PARD3B: variants seen among roughly 807,000 people sequenced by gnomAD.
PARD3B encodes the protein par-3 family cell polarity regulator beta.
In PARD3B, 103 loss-of-function variants were observed where a neutral mutation model predicts 130.2. That is an observed-to-expected ratio of 0.79 (90% confidence interval 0.67 to 0.93). PARD3B has a LOEUF of 0.93. Among genes scored for constraint, PARD3B ranks in the 40% least tolerant of loss-of-function variants. The pLI, the probability that PARD3B is intolerant of heterozygous loss-of-function variation, is 0.00. For synonymous variants in PARD3B, 583 were observed against 553.2 expected, an observed-to-expected ratio of 1.05 and a Z score of -0.76; for missense variants, 1,609 against 1,499.2, an observed-to-expected ratio of 1.07 and a Z score of -1.21.
chr2:204,906,151 G>C lies in PARD3B; in HGVS notation c.223-59001G>C, dbSNP rs1465036834. Among the ~76,000 whole-genome samples, 2 of 152,042 alleles carry C rather than the reference G, an allele frequency of 1.3e-5. No homozygotes were observed. Among genetic ancestry groups the C allele is most frequent in the African/African-American group, 4.8e-5 (2 of 41,394 alleles). On this transcript the variant is annotated intron_variant, in intron 2 of 22. Coordinates refer to ENST00000406610, the MANE Select transcript of PARD3B (RefSeq NM_001302769.2). This position sits in a 1 kb window ranked among gnomAD's most constrained non-coding sequence, Gnocchi z 4.3. The stretch of plus-strand genomic sequence containing the variant: ...CAACTCTTATTTCTCATCTGGACTG[G>C]GTAGCTGGTTAAATAATTTTTCTGT...
At chr2:204,883,658 C>A (rs528825742) in intron 2 of PARD3B, among the ~76,000 whole-genome samples, 2 of 151,358 alleles carry the variant, frequency 1.3e-5, no homozygotes, top group South Asian at 4.2e-4. Context: ...ATTGGCCAGG[C>A]TGGTCTCGAA....
intron 21 of PARD3B, among the ~76,000 whole-genome samples, chr2:205,535,679 C>T (rs1254400153): frequency 6.6e-6 from 1 of 152,184 alleles, no homozygotes; most frequent in Admixed American, 6.6e-5. Flanking sequence ...TTTCTCTTCC[C>T]TATGAGGCAG....
At chr2:204,758,518 C>T (rs1458111967) in intron 2 of PARD3B, among the ~76,000 whole-genome samples, 1 of 152,166 alleles carries the variant, frequency 6.6e-6, no homozygotes, top group Non-Finnish European at 1.5e-5. Flanking sequence ...AGCAGTGGCT[C>T]TCAACTTCGG....
Position 204,807,539 on chromosome 2 carries a change from C to T in PARD3B, c.222+121257C>T, listed in dbSNP as rs56034781. On this transcript the variant is annotated intron_variant, in intron 2 of 22. Transcript: ENST00000406610. Reference sequence around the variant, plus strand: ...AATCAGAATGTTGAAGAAATGTCTGCACTCTCATGTTTATTGCAGCAGTAT... The same window carrying T: ...AATCAGAATGTTGAAGAAATGTCTGTACTCTCATGTTTATTGCAGCAGTAT... 8.2e-3 allele frequency among the ~76,000 whole-genome samples: 1,251 copies of T among 152,216 alleles called. 10 individuals carry two copies. Among genetic ancestry groups the T allele is most frequent in the African/African-American group, 0.027 (1,131 of 41,552 alleles).
intron 18 of PARD3B, among the ~76,000 whole-genome samples, chr2:205,335,285 A>G (rs1239741150): frequency 6.6e-6 from 1 of 152,242 alleles, no homozygotes; most frequent in African/African-American, 2.4e-5. Flanking sequence ...TCTCAGGAAC[A>G]GACAGCAAAT....
intron 2 of PARD3B, among the ~76,000 whole-genome samples, chr2:204,820,300 C>A (rs1249387711): frequency 1.3e-5 from 2 of 150,702 alleles, no homozygotes; most frequent in African/African-American, 4.9e-5. Flanking sequence ...TGGTCTTGAA[C>A]TCCCGACCTT....
At chr2:205,312,127 A>G (rs1017103491) in intron 18 of PARD3B, among the ~76,000 whole-genome samples, 3 of 152,202 alleles carry the variant, frequency 2.0e-5, no homozygotes, top group African/African-American at 4.8e-5. Flanking sequence ...TACAGGTCTC[A>G]TGTACAATAA....
In PARD3B at chr2:205,562,614, T is replaced by C. The variant is rs1310273092; in HGVS notation, c.3260+9211T>C. Among the ~76,000 whole-genome samples, 4 of 152,200 alleles carry C rather than the reference T, an allele frequency of 2.6e-5. No individual in the cohort carries two copies. Among genetic ancestry groups the C allele is most frequent in the Non-Finnish European group, 5.9e-5 (4 of 68,032 alleles). On this transcript the variant is annotated intron_variant, in intron 22 of 22. Transcript: ENST00000406610. The surrounding 1 kb of genome is among the most constrained non-coding windows in gnomAD (Gnocchi z 5.4). ...AAAGGGAATTTTAGCATTTATTTCCTACTTCTCCAGCCAAAAGAAAAGAAG... is the reference window on the plus strand; with the variant it reads ...AAAGGGAATTTTAGCATTTATTTCCCACTTCTCCAGCCAAAAGAAAAGAAG...
At chr2:205,103,411 TATAG>T (rs1300991725) in intron 4 of PARD3B, among the ~76,000 whole-genome samples, 47 of 147,884 alleles carry the variant, frequency 3.2e-4, no homozygotes, top group African/African-American at 1.2e-3. Context: ...ATAAAATATT[TATAG>T]ATATATTTAT....
chr2:204,772,476 G>C (rs377627651), intron 2 of PARD3B, among the ~76,000 whole-genome samples: 6 of 152,060 alleles, frequency 3.9e-5, no homozygotes, highest in Admixed American at 2.6e-4. Flanking sequence ...TGGTTGTAGG[G>C]ACCATGGTTT....
chr2:205,418,105 G>GA (rs2046843335), intron 19 of PARD3B, among the ~76,000 whole-genome samples: 1 of 152,056 alleles, frequency 6.6e-6, no homozygotes, highest in Non-Finnish European at 1.5e-5. Flanking sequence ...AAGCTTATAA[G>GA]AAAAATGTGT....
intron 18 of PARD3B, among the ~76,000 whole-genome samples, chr2:205,346,442 G>GA (rs1252422165): frequency 2.6e-5 from 4 of 151,888 alleles, no homozygotes; most frequent in Admixed American, 1.3e-4. Flanking sequence ...CAGGGTTGAG[G>GA]AAAAAAGGAA....
At chr2:205,213,526 A>G (rs1267054326) in intron 15 of PARD3B, among the ~76,000 whole-genome samples, 3 of 152,280 alleles carry the variant, frequency 2.0e-5, no homozygotes, top group African/African-American at 7.2e-5. Context: ...CCCGTGGACC[A>G]CGATGATTGA....
rs184173412 is a variant in PARD3B at position 205,239,405 on chromosome 2, A to G, written c.2141-6373A>G. Reference sequence around the variant, plus strand: ...CTTTTTCTTAATGAAACTATTTAACATATTTTATTCTAACAAATATGTCAT... The same window carrying G: ...CTTTTTCTTAATGAAACTATTTAACGTATTTTATTCTAACAAATATGTCAT... On this transcript the variant is annotated intron_variant, in intron 15 of 22. Transcript: ENST00000406610. Among the ~76,000 whole-genome samples the G allele has an allele frequency of 3.9e-3, 590 of 150,066 alleles. 6 individuals are homozygous for G. The highest frequency in any genetic ancestry group is 0.014 in the African/African-American group (563 of 39,492).
chr2:205,553,175 A>G (rs1045609730), intron 21 of PARD3B, 149 bp from the exon 22 acceptor site: 1 of 649,864 alleles, frequency 1.5e-6, no homozygotes, highest in African/African-American at 1.8e-5. Context: ...ATCAATTCCT[A>G]TAGCAATGTG....
intron 2 of PARD3B, among the ~76,000 whole-genome samples, chr2:204,706,994 A>C (rs893055608): frequency 6.6e-6 from 1 of 152,206 alleles, no homozygotes; most frequent in African/African-American, 2.4e-5. Context: ...TGCAATTTGC[A>C]TGGCCTGTTT....
intron 3 of PARD3B, among the ~76,000 whole-genome samples, chr2:205,016,156 AAAATATAAAAGGC>A (rs1193319695): frequency 4.6e-5 from 7 of 152,236 alleles, no homozygotes; most frequent in Non-Finnish European, 5.9e-5. Context: ...TTTATATTTT[AAAATATAAAAGGC>A]AAATATAAAA....
At position 205,268,174 on chromosome 2, in the gene PARD3B, C is replaced by G. The variant is rs556573966; in HGVS notation, c.2185+22352C>G. 1.2e-3 allele frequency among the ~76,000 whole-genome samples: 182 copies of G among 152,260 alleles called. 1 individual carries two copies. Among genetic ancestry groups the G allele is most frequent in the African/African-American group, 4.1e-3 (172 of 41,566 alleles). On this transcript the variant is annotated intron_variant, in intron 16 of 22. Coordinates refer to ENST00000406610, the MANE Select transcript of PARD3B (RefSeq NM_001302769.2). This position sits in a 1 kb window ranked among gnomAD's most constrained non-coding sequence, Gnocchi z 4.1. The stretch of plus-strand genomic sequence containing the variant: ...TGCAAGAACTCATTAATACCAAGCC[C>G]AAGAAGGAACTGCTGATCATCAGGG...
chr2:204,961,751 CCAAGTG>C, intron 2 of PARD3B, among the ~76,000 whole-genome samples: 1 of 152,218 alleles, frequency 6.6e-6, no homozygotes, highest in East Asian at 1.9e-4. Flanking sequence ...GCCCTGGAAT[CCAAGTG>C]CAGAAAGTAC....
Sources: gnomAD v4.1 joint callset for allele counts (sites outside exome capture counted in the v4.1 genomes callset) on GRCh38, gnomAD v4.1.1 for gene constraint, Gnocchi (gnomAD v3.1) non-coding constraint, MANE v1.5 for transcripts, NCBI Gene and HGNC (gene_info 2026-07-23, HGNC 2026-07-21) for gene names.